GRIP1: variants seen among roughly 807,000 people sequenced by gnomAD.
GRIP1 encodes the protein glutamate receptor interacting protein 1.
GRIP1 carries 45 observed loss-of-function variants against 129.9 expected under a neutral mutation model. The observed-to-expected ratio is 0.35, with a 90% confidence interval of 0.27 to 0.44. GRIP1 has a LOEUF of 0.44. Ranked by LOEUF, GRIP1 falls within the 20% of genes least tolerant of loss-of-function variation. The probability of loss-of-function intolerance (pLI) is 1.00; values close to 1 mark genes in which losing one functional copy is unlikely to be tolerated. For synonymous variants in GRIP1, 530 were observed against 520.8 expected (o/e 1.02, Z -0.24); for missense variants, 1,196 against 1,396.8 (o/e 0.86, Z 2.29).
chr12:67,037,828 T>A (rs534331977), intron 1 of GRIP1, among the ~76,000 whole-genome samples: 79 of 152,326 alleles, frequency 5.2e-4, no homozygotes, highest in Non-Finnish European at 8.4e-4. Flanking sequence ...GACATTAACC[T>A]AGACTACAGT....
intron 2 of GRIP1, among the ~76,000 whole-genome samples, chr12:66,589,824 A>G (rs558929512): frequency 4.3e-4 from 65 of 152,248 alleles, no homozygotes; most frequent in African/African-American, 1.4e-3. Flanking sequence ...GTCAATAGAT[A>G]AGAAAAGAGT....
chr12:66,923,998 C>T (rs1005500181), intron 1 of GRIP1, among the ~76,000 whole-genome samples: 38 of 152,246 alleles, frequency 2.5e-4, no homozygotes, highest in Non-Finnish European at 3.2e-4. Context: ...GTATGTGCCA[C>T]CACACCCAGC....
chr12:66,771,273 T>C (rs1592829398), intron 1 of GRIP1, among the ~76,000 whole-genome samples: 1 of 152,166 alleles, frequency 6.6e-6, no homozygotes, highest in East Asian at 1.9e-4. Flanking sequence ...ATGATGATAC[T>C]CTTATTCTCA....
At position 66,614,355 on chromosome 12, in the gene GRIP1, TC is replaced by T. The variant is rs111509347; in HGVS notation, c.56-17429del. Among the ~76,000 whole-genome samples the T allele has an allele frequency of 8.8e-3, 1,337 of 152,090 alleles. 19 individuals are homozygous for T. The highest frequency in any genetic ancestry group is 0.03 in the African/African-American group (1,233 of 41,504). ...CATGTCCCAAACAGAACTATTGATT[TC>T]CCAACAGCCCTCCCCCACACCATAG... On this transcript the variant is annotated intron_variant, in intron 1 of 24. Coordinates refer to ENST00000359742, the MANE Select transcript of GRIP1 (RefSeq NM_001366722.1).
At chr12:66,671,514 G>A (rs2136235949) in intron 1 of GRIP1, among the ~76,000 whole-genome samples, 1 of 152,182 alleles carries the variant, frequency 6.6e-6, no homozygotes. Context: ...CCCACAGGCT[G>A]CTGCCCATCT....
At chr12:66,504,417 T>G (rs1319942982) in intron 7 of GRIP1, among the ~76,000 whole-genome samples, 3 of 152,196 alleles carry the variant, frequency 2.0e-5, no homozygotes, top group Non-Finnish European at 2.9e-5. Context: ...GAAACTGAAT[T>G]AGATATGGAC....
At chr12:67,044,395 GTAT>G in intron 1 of GRIP1, among the ~76,000 whole-genome samples, 1 of 152,288 alleles carries the variant, frequency 6.6e-6, no homozygotes, top group East Asian at 1.9e-4. Context: ...TATTGATCTG[GTAT>G]TATTCCCTGG....
chr12:66,950,141 T>G (rs1176228764), intron 1 of GRIP1, among the ~76,000 whole-genome samples: 1 of 152,144 alleles, frequency 6.6e-6, no homozygotes, highest in Non-Finnish European at 1.5e-5. Flanking sequence ...CATCAAATAA[T>G]TATCAAAAAC....
chr12:66,627,685 T>C (rs1476472059), intron 1 of GRIP1, among the ~76,000 whole-genome samples: 2 of 152,212 alleles, frequency 1.3e-5, no homozygotes, highest in African/African-American at 4.8e-5. Flanking sequence ...TGCAGAGACC[T>C]AGTTCTAGTC....
intron 11 of GRIP1, among the ~76,000 whole-genome samples, chr12:66,455,033 A>G (rs1472319381): frequency 6.6e-6 from 1 of 152,208 alleles, no homozygotes; most frequent in African/African-American, 2.4e-5. Context: ...CTTTAGAATG[A>G]GTAAGAAACT....
intron 1 of GRIP1, among the ~76,000 whole-genome samples, chr12:66,843,508 A>G (rs1189612775): frequency 1.3e-5 from 2 of 152,098 alleles, no homozygotes; most frequent in African/African-American, 4.8e-5. Context: ...AATACAAACA[A>G]TCATGAAAAG....
intron 7 of GRIP1, among the ~76,000 whole-genome samples, chr12:66,466,518 C>T (rs1426876125): frequency 2.0e-5 from 3 of 152,142 alleles, no homozygotes; most frequent in Non-Finnish European, 2.9e-5. Flanking sequence ...TTCTCATTTT[C>T]ACAATATTTG....
At chr12:66,583,099 G>A (rs1395112491) in intron 2 of GRIP1, among the ~76,000 whole-genome samples, 169 of 151,826 alleles carry the variant, frequency 1.1e-3, no homozygotes, top group African/African-American at 3.9e-3. Context: ...CAGAAATAAC[G>A]CCGCATATCT....
chr12:66,838,347 A>C (rs1255706464), intron 1 of GRIP1, among the ~76,000 whole-genome samples: 2 of 152,196 alleles, frequency 1.3e-5, no homozygotes, highest in African/African-American at 4.8e-5. Flanking sequence ...AATAACTTTA[A>C]AAATATTTCA....
chr12:66,582,541 A>G (rs1215457844), intron 2 of GRIP1, among the ~76,000 whole-genome samples: 1 of 143,378 alleles, frequency 7.0e-6, no homozygotes, highest in East Asian at 2.0e-4. Flanking sequence ...TTAAGCTGAT[A>G]AGCAACTTCA....
chr12:66,643,368 A>T (rs533890451), intron 1 of GRIP1, among the ~76,000 whole-genome samples: 18 of 152,374 alleles, frequency 1.2e-4, no homozygotes, highest in Admixed American at 3.3e-4. Flanking sequence ...ATGTCTTGAG[A>T]CAATGAAATA....
intron 1 of GRIP1, among the ~76,000 whole-genome samples, chr12:66,983,798 G>C (rs1435210320): frequency 6.6e-6 from 1 of 152,184 alleles, no homozygotes; most frequent in Non-Finnish European, 1.5e-5. Context: ...TGATTAAATA[G>C]TATTGCCCTT....
At chr12:66,364,093 T>C (rs1432049443) in intron 23 of GRIP1, among the ~76,000 whole-genome samples, 2 of 151,058 alleles carry the variant, frequency 1.3e-5, no homozygotes, top group African/African-American at 4.9e-5. Context: ...TGATGAAACC[T>C]CATCTCCAAT....
chr12:66,501,276 T>C (rs2060384539), intron 7 of GRIP1, among the ~76,000 whole-genome samples: 1 of 152,216 alleles, frequency 6.6e-6, no homozygotes. Context: ...AATAATTTTA[T>C]TACATACCAA....
Sources: allele counts gnomAD v4.1 joint callset (sites outside exome capture counted in the v4.1 genomes callset), GRCh38; gene constraint gnomAD v4.1.1; transcripts MANE v1.5; gene names NCBI Gene and HGNC (gene_info 2026-07-23, HGNC 2026-07-21).